The following MTHFD2L variants were observed in gnomAD, a reference collection of about 807,000 sequenced individuals.
The protein encoded by MTHFD2L is bifunctional methylenetetrahydrofolate dehydrogenase/cyclohydrolase 2, mitochondrial.
In MTHFD2L, 29 loss-of-function variants were observed where a neutral mutation model predicts 34.9. The observed-to-expected ratio is 0.83, with a 90% CI of 0.62 to 1.13. MTHFD2L has a LOEUF of 1.13. MTHFD2L is among the 50% of genes most tolerant of loss of function. The probability of loss-of-function intolerance (pLI) is 0.00; values close to 1 mark genes in which losing one functional copy is unlikely to be tolerated. For missense variants in MTHFD2L, 481 were observed against 446.5 expected, an observed-to-expected ratio of 1.08 and a Z score of -0.70; for synonymous variants, 167 against 155.7, an observed-to-expected ratio of 1.07 and a Z score of -0.54.
At chr4:74,231,291 T>C (rs1255508608) in intron 6 of MTHFD2L, among the ~76,000 whole-genome samples, 1 of 152,124 alleles carries the variant, frequency 6.6e-6, no homozygotes, top group East Asian at 1.9e-4. Context: ...AATAGGGTTT[T>C]CCCCCGGGTG....
At chr4:74,269,277 A>G (rs893900694) in intron 6 of MTHFD2L, among the ~76,000 whole-genome samples, 3 of 152,150 alleles carry the variant, frequency 2.0e-5, no homozygotes, top group Non-Finnish European at 4.4e-5. Flanking sequence ...AAAAAACACA[A>G]GTTTTTCTCC....
intron 1 of MTHFD2L, among the ~76,000 whole-genome samples, chr4:74,147,842 A>G (rs530083794): frequency 6.6e-6 from 1 of 152,188 alleles, no homozygotes; most frequent in Admixed American, 6.5e-5. Context: ...CCTTTGCCCA[A>G]TTTTAATTGA....
chr4:74,148,227 G>A (rs2109850513), intron 1 of MTHFD2L, among the ~76,000 whole-genome samples: 1 of 152,052 alleles, frequency 6.6e-6, no homozygotes, highest in African/African-American at 2.4e-5. Context: ...TTCTACTTTT[G>A]TATAGGGTAG....
intron 1 of MTHFD2L, among the ~76,000 whole-genome samples, chr4:74,142,299 C>G (rs765742776): frequency 1.3e-5 from 2 of 152,158 alleles, no homozygotes; most frequent in Non-Finnish European, 2.9e-5. Flanking sequence ...ACATTGAAAT[C>G]TAATCCTTAT....
upstream of MTHFD2L, among the ~76,000 whole-genome samples, chr4:74,124,478 GTATTTATA>G (rs1195154684): frequency 6.6e-6 from 1 of 150,830 alleles, no homozygotes; most frequent in African/African-American, 2.4e-5. Flanking sequence ...ATAGTTTTAT[GTATTTATA>G]TATTTATATA....
At chr4:74,164,303 A>C (rs139837150) in intron 1 of MTHFD2L, among the ~76,000 whole-genome samples, 2 of 152,300 alleles carry the variant, frequency 1.3e-5, no homozygotes, top group African/African-American at 4.8e-5. Flanking sequence ...CTTGATCTTG[A>C]CTAGGTTTTA....
chr4:74,189,601 GTC>G (rs1038166983), intron 3 of MTHFD2L, among the ~76,000 whole-genome samples: 1 of 144,464 alleles, frequency 6.9e-6, no homozygotes, highest in Admixed American at 7.3e-5. Flanking sequence ...AGCCACTTAT[GTC>G]TCTCTCTCTC....
At chr4:74,294,686 C>T (rs1467935013) in intron 7 of MTHFD2L, among the ~76,000 whole-genome samples, 1 of 152,046 alleles carries the variant, frequency 6.6e-6, no homozygotes, top group Non-Finnish European at 1.5e-5. Context: ...TCTATCATCA[C>T]CTCAAATTTT....
intron 2 of MTHFD2L, among the ~76,000 whole-genome samples, chr4:74,115,389 A>T (rs1471850324): frequency 6.6e-6 from 1 of 152,250 alleles, no homozygotes; most frequent in Non-Finnish European, 1.5e-5. Context: ...TACTACAGCC[A>T]GTGTTCTTCT....
chr4:74,116,466 C>G (rs1721657345), intron 2 of MTHFD2L, among the ~76,000 whole-genome samples: 1 of 152,112 alleles, frequency 6.6e-6, no homozygotes, highest in Admixed American at 6.6e-5. Context: ...TCCTAATCAA[C>G]TTGATTAAAT....
intron 1 of MTHFD2L, among the ~76,000 whole-genome samples, chr4:74,173,504 TTGTCCGGGGCCA>T (rs2109953656): frequency 6.6e-6 from 1 of 152,332 alleles, no homozygotes; most frequent in African/African-American, 2.4e-5. Flanking sequence ...CTCACAGCTG[TTGTCCGGGGCCA>T]TGCCTGGGGC....
intron 6 of MTHFD2L, among the ~76,000 whole-genome samples, chr4:74,258,771 ATAAT>A (rs767933702): frequency 6.6e-6 from 1 of 152,306 alleles, no homozygotes; most frequent in Admixed American, 6.5e-5. Flanking sequence ...TAAAAATGAA[ATAAT>A]TAGTTCTATG....
chr4:74,140,073 T>C (rs1723185817), intron 1 of MTHFD2L, among the ~76,000 whole-genome samples: 1 of 152,020 alleles, frequency 6.6e-6, no homozygotes, highest in Non-Finnish European at 1.5e-5. Context: ...TCTAACACTT[T>C]AGGAGGCCCA....
chr4:74,184,324 G>A (rs146101791), intron 3 of MTHFD2L, among the ~76,000 whole-genome samples: 3 of 152,142 alleles, frequency 2.0e-5, no homozygotes, highest in East Asian at 1.9e-4. Context: ...TAAAGCAAAA[G>A]ATTGGGAAAT....
At chr4:74,280,535 A>G (rs1283213676) in intron 6 of MTHFD2L, 1 of 152,136 alleles carries the variant, frequency 6.6e-6, no homozygotes, top group Non-Finnish European at 1.5e-5. Context: ...CCTAAGCCAG[A>G]TGCATCCAGA....
chr4:74,219,762 G>A (rs531298182), intron 5 of MTHFD2L, among the ~76,000 whole-genome samples: 1 of 152,184 alleles, frequency 6.6e-6, no homozygotes, highest in East Asian at 1.9e-4. Context: ...ATAACAGGCT[G>A]AATGCCTTTC....
chr4:74,260,423 G>A lies in MTHFD2L; in HGVS notation c.806-21002G>A, dbSNP rs570964601. On this transcript the variant is annotated intron_variant, in intron 6 of 7. Transcript: ENST00000325278. ...GCAAGAAGCTCTTCCTGTCTGTCTAGTCAGCCACCTTGGCTCTCTGATCTC... is the reference window on the plus strand; with the variant it reads ...GCAAGAAGCTCTTCCTGTCTGTCTAATCAGCCACCTTGGCTCTCTGATCTC... Among the ~76,000 whole-genome samples, 187 of 152,168 alleles carry A rather than the reference G, an allele frequency of 1.2e-3. 1 individual carries two copies. The highest frequency in any genetic ancestry group is 2.1e-3 in the Non-Finnish European group (146 of 68,014).
intron 1 of MTHFD2L, among the ~76,000 whole-genome samples, chr4:74,138,528 A>G (rs1382243137): frequency 2.6e-5 from 4 of 152,310 alleles, no homozygotes; most frequent in Middle Eastern, 6.8e-3. Context: ...GTTAAGCTCA[A>G]TTAGGACAAA....
chr4:74,134,859 T>C (rs1722794553), intron 1 of MTHFD2L, among the ~76,000 whole-genome samples: 1 of 151,338 alleles, frequency 6.6e-6, no homozygotes, highest in African/African-American at 2.4e-5. Flanking sequence ...ACAGAATAGG[T>C]CAAGCAGAGA....
Sources: gnomAD v4.1 joint callset for allele counts (sites outside exome capture counted in the v4.1 genomes callset) on GRCh38, gnomAD v4.1.1 for gene constraint, MANE v1.5 for transcripts, NCBI Gene and HGNC (gene_info 2026-07-23, HGNC 2026-07-21) for gene names.